The following FHOD3 variants were observed in gnomAD, a reference collection of about 807,000 sequenced individuals.
FHOD3 encodes the protein formin homology 2 domain containing 3.
A neutral mutation model predicts 173.0 loss-of-function variants in FHOD3; 90 were observed. The ratio of observed to expected loss-of-function variants is 0.52; its 90% CI spans 0.44 to 0.62. The LOEUF (loss-of-function observed/expected upper bound fraction) is 0.62. FHOD3 is among the 20% of genes least tolerant of loss of function. The probability of loss-of-function intolerance (pLI) is 0.00; values close to 1 mark genes in which losing one functional copy is unlikely to be tolerated. For synonymous variants in FHOD3, 828 were observed against 823.0 expected, an observed-to-expected ratio of 1.01 and a Z score of -0.10; for missense variants, 1,945 against 2,034.7, an observed-to-expected ratio of 0.96 and a Z score of 0.85.
intron 17 of FHOD3, among the ~76,000 whole-genome samples, chr18:36,704,962 A>G (rs2039791229): frequency 6.6e-6 from 1 of 150,618 alleles, no homozygotes. Flanking sequence ...CTTGAGCTCC[A>G]CTGATTGGTG....
intron 13 of FHOD3, among the ~76,000 whole-genome samples, chr18:36,654,973 T>C (rs1264347407): frequency 1.3e-5 from 2 of 152,122 alleles, no homozygotes; most frequent in African/African-American, 4.8e-5. Flanking sequence ...CTTCAGGATC[T>C]GAAAATTAAT....
intron 5 of FHOD3, among the ~76,000 whole-genome samples, chr18:36,540,040 G>A (rs2057144386): frequency 6.6e-6 from 1 of 152,150 alleles, no homozygotes. Flanking sequence ...GTTCCAACAA[G>A]CATATTTTCC....
At chr18:36,337,577 G>C (rs1042529990) in intron 1 of FHOD3, among the ~76,000 whole-genome samples, 1 of 152,226 alleles carries the variant, frequency 6.6e-6, no homozygotes, top group African/African-American at 2.4e-5. Context: ...AGCTCCAGGG[G>C]AGACAAGTCC....
intron 28 of FHOD3, among the ~76,000 whole-genome samples, chr18:36,773,229 C>T (rs1439155096): frequency 5.3e-5 from 8 of 152,164 alleles, no homozygotes; most frequent in Admixed American, 5.2e-4. Flanking sequence ...GGGGAACTGA[C>T]ACATTAAAGA....
At chr18:36,461,461 T>TG in intron 3 of FHOD3, among the ~76,000 whole-genome samples, 1 of 108,686 alleles carries the variant, frequency 9.2e-6, no homozygotes, top group African/African-American at 4.3e-5. Context: ...GTGTGTGTGT[T>TG]TTTTTTTTTC....
intron 9 of FHOD3, among the ~76,000 whole-genome samples, chr18:36,623,016 T>C (rs113448722): frequency 0.017 from 2,642 of 152,330 alleles, 40 homozygotes; most frequent in Middle Eastern, 0.051. Flanking sequence ...ATTTGCTCCC[T>C]CCATGCACTC....
intron 3 of FHOD3, among the ~76,000 whole-genome samples, chr18:36,434,783 A>G (rs906853657): frequency 6.6e-6 from 1 of 152,050 alleles, no homozygotes. Context: ...ACTTTGTTAA[A>G]TTTATTCTTA....
intron 5 of FHOD3, among the ~76,000 whole-genome samples, chr18:36,565,058 G>A (rs1475840939): frequency 6.6e-6 from 1 of 152,128 alleles, no homozygotes; most frequent in Non-Finnish European, 1.5e-5. Context: ...TTCTTTGACA[G>A]TTGCCCTTGG....
At chr18:36,350,598 C>T (rs1357655015) in intron 1 of FHOD3, among the ~76,000 whole-genome samples, 1 of 152,090 alleles carries the variant, frequency 6.6e-6, no homozygotes, top group African/African-American at 2.4e-5. Flanking sequence ...ATTCCAGGTC[C>T]CTTAAGTCAC....
chr18:36,565,710 T>G lies in FHOD3; in HGVS notation c.512-10741T>G, dbSNP rs142987860. Among the ~76,000 whole-genome samples, 1,235 of 152,334 alleles carry G rather than the reference T, an allele frequency of 8.1e-3. 7 individuals are homozygous for G. The highest frequency in any genetic ancestry group is 0.011 in the Non-Finnish European group (716 of 68,024). ...ATTCTCAAATGGCAAAATATCTTAT[T>G]GAATGGCAACAGAAAAGTATTTTCT... On this transcript the variant is annotated intron_variant, in intron 5 of 28. Coordinates refer to ENST00000590592, the MANE Select transcript of FHOD3 (RefSeq NM_001281740.3).
chr18:36,696,044 A>G (rs2039263675), intron 17 of FHOD3, among the ~76,000 whole-genome samples: 1 of 152,200 alleles, frequency 6.6e-6, no homozygotes, highest in South Asian at 2.1e-4. Context: ...GGAACATGCA[A>G]TCATAATACG....
rs764431004 is a variant in FHOD3, at chr18:36,717,840, C to T, written c.2542C>T (p.Pro848Ser). 8 of 1,569,964 alleles carry T rather than the reference C, an allele frequency of 5.1e-6. No individual in the cohort carries two copies. The highest frequency in any genetic ancestry group is 6.9e-6 in the Non-Finnish European group (8 of 1,156,826). ...CTCCCATGTACTTTCAGGTTTGTGGCCCGCAGGTGTCCAGGATGCAGGTGT... is the reference window on the plus strand; with the variant it reads ...CTCCCATGTACTTTCAGGTTTGTGGTCCGCAGGTGTCCAGGATGCAGGTGT... ...LSRDRTTGLWPAGVQDAGVNG... is the reference protein window; with the variant it reads ...LSRDRTTGLWSAGVQDAGVNG... The change falls in exon 19 of 29, where the codon CCC becomes TCC. Residue 848 changes from proline to serine, a missense_variant. By Grantham distance (74) the Pro-to-Ser change is moderately conservative (BLOSUM62 -1). Transcript: ENST00000590592.
chr18:36,494,502 C>A (rs932219540), intron 3 of FHOD3, among the ~76,000 whole-genome samples: 17 of 152,088 alleles, frequency 1.1e-4, no homozygotes, highest in Non-Finnish European at 2.4e-4. Flanking sequence ...ATGAGTATAC[C>A]CCAGGCAGAT....
At chr18:36,666,671 A>G (rs998877042) in intron 14 of FHOD3, among the ~76,000 whole-genome samples, 2 of 152,224 alleles carry the variant, frequency 1.3e-5, no homozygotes, top group African/African-American at 4.8e-5. Context: ...ATATTTTACC[A>G]GAGATGATAA....
In FHOD3 at chr18:36,594,773, A is replaced by C. The variant is rs1458680583; in HGVS notation, c.607-14A>C. The C allele has an allele frequency of 1.2e-6, 2 of 1,600,290 alleles. No individual in the cohort carries two copies. Among genetic ancestry groups the C allele is most frequent in the South Asian group, 1.1e-5 (1 of 90,146 alleles). On this transcript the variant is annotated splice_polypyrimidine_tract_variant and intron_variant, in intron 6 of 28. Transcript: ENST00000590592. ...TTGTTGGCAGTGATGTGATGGTTTT[A>C]TCTCTTCTGCCAGTTCCGCCTGGTG...
chr18:36,698,727 G>T (rs560312083), intron 17 of FHOD3, among the ~76,000 whole-genome samples: 1 of 152,316 alleles, frequency 6.6e-6, no homozygotes, highest in East Asian at 1.9e-4. Context: ...CCACAATTCC[G>T]TGGATGCTGG....
chr18:36,320,276 A>T (rs1436457426), intron 1 of FHOD3, among the ~76,000 whole-genome samples: 2 of 152,196 alleles, frequency 1.3e-5, no homozygotes, highest in African/African-American at 2.4e-5. Context: ...AATCAAATGG[A>T]TGCAATAAAA....
At chr18:36,620,782 CAG>C (rs2033640076) in intron 9 of FHOD3, among the ~76,000 whole-genome samples, 1 of 152,216 alleles carries the variant, frequency 6.6e-6, no homozygotes, top group African/African-American at 2.4e-5. Context: ...AGATAGCTGG[CAG>C]AGTTGGGATT....
chr18:36,739,426 G>A (rs1358347645), intron 20 of FHOD3, among the ~76,000 whole-genome samples: 2 of 152,128 alleles, frequency 1.3e-5, no homozygotes, highest in East Asian at 3.9e-4. Flanking sequence ...ATTCTTTCCT[G>A]GTTAAAGCCA....
Sources: gnomAD v4.1 joint callset for allele counts (sites outside exome capture counted in the v4.1 genomes callset) on GRCh38, gnomAD v4.1.1 for gene constraint, MANE v1.5 for transcripts, NCBI Gene and HGNC (gene_info 2026-07-23, HGNC 2026-07-21) for gene names.